NECAB1: variants seen among roughly 807,000 people sequenced by gnomAD.
NECAB1 encodes N-terminal EF-hand calcium-binding protein 1.
In NECAB1, 29 loss-of-function variants were observed where a neutral mutation model predicts 57.5. That is an observed-to-expected ratio of 0.50 (90% CI 0.38 to 0.69). NECAB1 has a LOEUF of 0.69. Ranked by LOEUF, NECAB1 falls within the 30% of genes least tolerant of loss-of-function variation. The pLI is 0.00. For synonymous variants in NECAB1, 142 were observed against 147.7 expected, an observed-to-expected ratio of 0.96 and a Z score of 0.28; for missense variants, 372 against 413.8, an observed-to-expected ratio of 0.90 and a Z score of 0.88.
chr8:90,921,189 G>A (rs1293148834), intron 6 of NECAB1, among the ~76,000 whole-genome samples: 1 of 152,036 alleles, frequency 6.6e-6, no homozygotes, highest in Non-Finnish European at 1.5e-5. Flanking sequence ...GCTAATTTTT[G>A]TATTTTTAGT....
chr8:90,863,434 G>A (rs980009383), intron 3 of NECAB1, among the ~76,000 whole-genome samples: 9 of 152,012 alleles, frequency 5.9e-5, no homozygotes, highest in Non-Finnish European at 1.2e-4. Flanking sequence ...ATTTCTCTGA[G>A]TTCTTTTCAA....
At chr8:90,840,025 C>A (rs1016915265) in intron 3 of NECAB1, among the ~76,000 whole-genome samples, 1 of 152,178 alleles carries the variant, frequency 6.6e-6, no homozygotes, top group Admixed American at 6.5e-5. Context: ...AATCTCTAGT[C>A]TTTCTGATTT....
intron 8 of NECAB1, among the ~76,000 whole-genome samples, chr8:90,931,916 T>C (rs1810416792): frequency 1.3e-5 from 2 of 150,492 alleles, no homozygotes; most frequent in African/African-American, 4.9e-5. Flanking sequence ...AAAAATAAAA[T>C]AAAATAAAAT....
chr8:90,805,000 T>C (rs1811824336), intron 2 of NECAB1, among the ~76,000 whole-genome samples: 1 of 152,248 alleles, frequency 6.6e-6, no homozygotes, highest in African/African-American at 2.4e-5. Flanking sequence ...CTATTGCTAC[T>C]GAAAGCTTGA....
At chr8:90,904,501 G>A (rs150953944) in intron 5 of NECAB1, among the ~76,000 whole-genome samples, 125 of 151,852 alleles carry the variant, frequency 8.2e-4, no homozygotes, top group African/African-American at 2.2e-3. Context: ...CCAGTTTTAC[G>A]GTAGATTAAA....
chr8:90,847,906 A>T (rs2129765177), intron 3 of NECAB1, among the ~76,000 whole-genome samples: 1 of 152,286 alleles, frequency 6.6e-6, no homozygotes, highest in South Asian at 2.1e-4. Context: ...CTGTGATGGG[A>T]GGGGCTGCCG....
chr8:90,959,380 T>C lies in NECAB1; in HGVS notation c.*3868T>C, dbSNP rs1164931537. 6.4e-6 allele frequency: 1 copy of C among 156,892 alleles called. No individual in the cohort carries two copies. The highest frequency in any genetic ancestry group is 1.4e-5 in the Non-Finnish European group (1 of 71,464). 9.7% of individuals were successfully genotyped at this position (156,892 alleles called of 1,614,324 possible). A position where few individuals can be genotyped will look rare whatever the true frequency, so the allele number is the denominator to read the frequency against. Reference sequence around the variant, plus strand: ...TCAAGCTTTTATTTACACAATAAAATGTTATTAAAGATGGAAAGTCTACAA... The same window carrying C: ...TCAAGCTTTTATTTACACAATAAAACGTTATTAAAGATGGAAAGTCTACAA... On this transcript the variant is annotated 3_prime_UTR_variant, in exon 13 of 13. Coordinates refer to ENST00000417640, the MANE Select transcript of NECAB1 (RefSeq NM_022351.5).
At chr8:90,919,551 C>T (rs1480130524) in intron 6 of NECAB1, among the ~76,000 whole-genome samples, 1 of 152,180 alleles carries the variant, frequency 6.6e-6, no homozygotes, top group African/African-American at 2.4e-5. Context: ...GGGAAGTACT[C>T]TTTAGCAGAT....
chr8:90,917,445 A>AT (rs761521886), intron 5 of NECAB1, 47 bp from the exon 6 acceptor site: 5 of 1,524,242 alleles, frequency 3.3e-6, no homozygotes, highest in Non-Finnish European at 4.4e-6. Flanking sequence ...AATCCTGGGT[A>AT]TTTTTTTCTA....
At chr8:90,803,883 A>T (rs944283879) in intron 2 of NECAB1, among the ~76,000 whole-genome samples, 1 of 152,174 alleles carries the variant, frequency 6.6e-6, no homozygotes, top group African/African-American at 2.4e-5. Context: ...ATTCCTGCTC[A>T]AAGACACCTT....
intron 3 of NECAB1, among the ~76,000 whole-genome samples, chr8:90,860,011 A>G (rs1257589998): frequency 6.6e-6 from 1 of 152,102 alleles, no homozygotes; most frequent in African/African-American, 2.4e-5. Flanking sequence ...AACTTGGTTA[A>G]GACCATGCAG....
intron 2 of NECAB1, chr8:90,806,667 C>A (rs1253420301): frequency 6.6e-6 from 1 of 152,144 alleles, no homozygotes; most frequent in Non-Finnish European, 1.5e-5. Context: ...CTTGGCTGTG[C>A]CTCCTTCTAG....
chr8:90,885,980 ATAAT>A (rs1407722458), intron 5 of NECAB1, among the ~76,000 whole-genome samples: 6 of 152,244 alleles, frequency 3.9e-5, no homozygotes, highest in Non-Finnish European at 8.8e-5. Flanking sequence ...GAAGCAGATG[ATAAT>A]TAAATGCTGA....
At position 90,810,944 on chromosome 8, in the gene NECAB1, CT is replaced by C. The variant is rs1383446172; in HGVS notation, c.124+9241del. Among the ~76,000 whole-genome samples, 718 of 143,976 alleles carry C rather than the reference CT, an allele frequency of 5.0e-3. 6 individuals are homozygous for C. Among genetic ancestry groups the C allele is most frequent in the East Asian group, 0.031 (151 of 4,948 alleles). 94.5% of individuals were successfully genotyped at this position (143,976 alleles called of 152,430 possible). A position where few individuals can be genotyped will look rare whatever the true frequency, so the allele number is the denominator to read the frequency against. ...GGAGAAAATTGAATATTTTTCTTTT[CT>C]TTTTTTTTTTTCTTTTTTTTGAGAC... On this transcript the variant is annotated intron_variant, in intron 2 of 12. Transcript: ENST00000417640.
chr8:90,896,627 AAAAAC>A lies in NECAB1; in HGVS notation c.357+15502_357+15506del, dbSNP rs1288915473. Among the ~76,000 whole-genome samples the A allele has an allele frequency of 3.0e-4, 45 of 151,270 alleles. 1 individual carries two copies. Among genetic ancestry groups the A allele is most frequent in the Non-Finnish European group, 5.8e-4 (39 of 67,622 alleles). On this transcript the variant is annotated intron_variant, in intron 5 of 12. Coordinates refer to ENST00000417640, the MANE Select transcript of NECAB1 (RefSeq NM_022351.5). ...CTCAAAAAAAAACAAAAACAAAAAC[AAAAAC>A]AAAAAAAACAAACAAACTAATACGT...
intron 1 of NECAB1, among the ~76,000 whole-genome samples, chr8:90,801,412 G>A (rs373678572): frequency 4.1e-4 from 62 of 152,138 alleles, no homozygotes; most frequent in African/African-American, 1.4e-3. Context: ...TTCTATCCAA[G>A]TTGTTGTGTG....
chr8:90,899,032 G>T (rs966598484), intron 5 of NECAB1, among the ~76,000 whole-genome samples: 1 of 152,232 alleles, frequency 6.6e-6, no homozygotes, highest in Non-Finnish European at 1.5e-5. Flanking sequence ...CTGCCCTGCA[G>T]GTCTGGCACC....
chr8:90,912,331 C>A (rs577928308), intron 5 of NECAB1, among the ~76,000 whole-genome samples: 1 of 152,126 alleles, frequency 6.6e-6, no homozygotes, highest in Non-Finnish European at 1.5e-5. Flanking sequence ...GAATCCTACA[C>A]AAAATAAGTT....
Position 90,928,333 on chromosome 8 carries a change from C to G in NECAB1, c.693+34C>G, listed in dbSNP as rs377499987. The G allele has an allele frequency of 1.0e-5, 15 of 1,489,744 alleles. No homozygotes were observed. The East Asian group carries it at 3.2e-4, about 32-fold the overall frequency. 92.3% of individuals were successfully genotyped at this position (1,489,744 alleles called of 1,614,324 possible). A position where few individuals can be genotyped will look rare whatever the true frequency, so the allele number is the denominator to read the frequency against. ...TTTCTTTTCTTTATTCTCTCTTCCACTCTTCAAGATATTGTTACCTAATAT... is the reference window on the plus strand; with the variant it reads ...TTTCTTTTCTTTATTCTCTCTTCCAGTCTTCAAGATATTGTTACCTAATAT... On this transcript the variant is annotated intron_variant, in intron 8 of 12. Coordinates refer to ENST00000417640, the MANE Select transcript of NECAB1 (RefSeq NM_022351.5).
Sources: allele counts gnomAD v4.1 joint callset (sites outside exome capture counted in the v4.1 genomes callset), GRCh38; gene constraint gnomAD v4.1.1; transcripts MANE v1.5; gene names NCBI Gene and HGNC (gene_info 2026-07-23, HGNC 2026-07-21).